The following DMTN variants were observed in gnomAD, a reference collection of about 807,000 sequenced individuals.
DMTN encodes the protein dematin actin binding protein.
DMTN carries 27 observed loss-of-function variants against 59.4 expected under a neutral mutation model. The observed-to-expected ratio is 0.45, with a 90% CI of 0.33 to 0.63. The LOEUF is 0.63. Among genes scored for constraint, DMTN ranks in the 20% least tolerant of loss-of-function variants. The pLI, the probability that DMTN is intolerant of heterozygous loss-of-function variation, is 0.02. For synonymous variants in DMTN, 221 were observed against 203.7 expected (o/e 1.08, Z -0.72); for missense variants, 451 against 528.9 (o/e 0.85, Z 1.45).
chr8:22,049,062 C>G (rs1473036601), upstream of DMTN: 1 of 142,094 alleles, frequency 7.0e-6, no homozygotes, highest in East Asian at 2.0e-4. Context: ...AAACCCGAGC[C>G]CCCGGAGGGG....
At chr8:22,070,737 T>C (rs913512765) in intron 8 of DMTN, among the ~76,000 whole-genome samples, 3 of 152,188 alleles carry the variant, frequency 2.0e-5, no homozygotes, top group African/African-American at 7.2e-5. Flanking sequence ...CCTGCATAGA[T>C]TGCACAGTGG....
intron 10 of DMTN, among the ~76,000 whole-genome samples, chr8:22,078,065 A>G (rs1821024059): frequency 6.6e-6 from 1 of 152,092 alleles, no homozygotes; most frequent in Non-Finnish European, 1.5e-5. Context: ...CAGATTTCAT[A>G]AGAGTATTTT....
Position 22,081,747 on chromosome 8 carries a change from T to C in DMTN, c.*284T>C. 1 of 536,846 alleles carries C rather than the reference T, an allele frequency of 1.9e-6. No homozygotes were observed. Among genetic ancestry groups the C allele is most frequent in the Admixed American group, 2.4e-5 (1 of 42,218 alleles). The allele number at this position is 536,846 out of a possible 1,614,324, so 33.3% of individuals were successfully genotyped here. On this transcript the variant is annotated 3_prime_UTR_variant, in exon 16 of 16. Transcript: ENST00000358242. ...CATGTTTGCGCCCTCTCCCTGCCCCTCACCCCAGAGGGTGAGGAGGAATGA... is the reference window on the plus strand; with the variant it reads ...CATGTTTGCGCCCTCTCCCTGCCCCCCACCCCAGAGGGTGAGGAGGAATGA...
intron 1 of DMTN, among the ~76,000 whole-genome samples, chr8:22,065,096 T>C (rs1809504735): frequency 6.6e-6 from 1 of 152,314 alleles, no homozygotes; most frequent in South Asian, 2.1e-4. Context: ...AGTGGTGTGA[T>C]CACAGCTCAC....
rs928038105 is a variant in DMTN at position 22,060,624 on chromosome 8, A to G, written c.-172+3488A>G. Among the ~76,000 whole-genome samples, 2 of 152,258 alleles carry G rather than the reference A, an allele frequency of 1.3e-5. No individual in the cohort carries two copies. Among genetic ancestry groups the G allele is most frequent in the African/African-American group, 4.8e-5 (2 of 41,472 alleles). ...CTGCCTCTGTGGAAATAATTTATCA[A>G]CCAACATGCTCTCTAACAAATGGCA... is the stretch of plus-strand genomic sequence containing the variant. On this transcript the variant is annotated intron_variant, in intron 1 of 15. Coordinates refer to ENST00000358242, the MANE Select transcript of DMTN (RefSeq NM_001387751.1). The surrounding 1 kb of genome is among the most constrained non-coding windows in gnomAD (Gnocchi z 5.0).
intron 9 of DMTN, among the ~76,000 whole-genome samples, chr8:22,073,176 G>T (rs571146612): frequency 6.6e-6 from 1 of 152,164 alleles, no homozygotes; most frequent in Non-Finnish European, 1.5e-5. Context: ...ACCAAGCAGC[G>T]CTGACTCCTG....
intron 10 of DMTN, among the ~76,000 whole-genome samples, chr8:22,078,107 G>A (rs759546617): frequency 2.6e-4 from 39 of 151,354 alleles, no homozygotes; most frequent in African/African-American, 8.5e-4. Flanking sequence ...GCTCACACCC[G>A]TAATCCCAGC....
intron 1 of DMTN, among the ~76,000 whole-genome samples, chr8:22,065,617 C>T (rs1809911749): frequency 6.6e-6 from 1 of 151,786 alleles, no homozygotes; most frequent in Admixed American, 6.6e-5. Flanking sequence ...CCGAGGCAGG[C>T]GGATCACTTG....
At chr8:22,064,476 T>TG (rs1274650765) in intron 1 of DMTN, among the ~76,000 whole-genome samples, 2 of 152,120 alleles carry the variant, frequency 1.3e-5, no homozygotes, top group East Asian at 3.8e-4. Flanking sequence ...TTTTTTTTTT[T>TG]GAGACGGAGT....
At chr8:22,078,798 G>GGTTTTTTT (rs1450702878) in intron 10 of DMTN, among the ~76,000 whole-genome samples, 1 of 85,092 alleles carries the variant, frequency 1.2e-5, no homozygotes, top group Non-Finnish European at 2.1e-5. Context: ...ATGTCAGACT[G>GGTTTTTTT]TTTTTTTTTT....
rs983340888 is a variant in DMTN at position 22,081,585 on chromosome 8, G to T, written c.*122G>T. 7 of 806,500 alleles carry T rather than the reference G, an allele frequency of 8.7e-6. No homozygotes were observed. The highest frequency in any genetic ancestry group is 4.4e-5 in the Admixed American group (2 of 45,826). The allele number at this position is 806,500 out of a possible 1,614,324, so 50.0% of individuals were successfully genotyped here. On this transcript the variant is annotated 3_prime_UTR_variant, in exon 16 of 16. Transcript: ENST00000358242. ...GTGGGCTCCTTTCCTCAGGTAGAGT[G>T]GGGGGCCAAAACCTCTGCAGTCCCC...
Position 22,070,141 on chromosome 8 carries a change from C to T in DMTN, c.452-41C>T, listed in dbSNP as rs376842494. The T allele has an allele frequency of 1.3e-5, 20 of 1,557,428 alleles. No homozygotes were observed. The South Asian group carries it at 1.7e-4, about 13-fold the overall frequency. ...GGGGTGAAGGTAGCCAAGTTGGCCT[C>T]GGGCAGGGCACACCTGGCTGACCCT... On this transcript the variant is annotated intron_variant, in intron 7 of 15. Coordinates refer to ENST00000358242, the MANE Select transcript of DMTN (RefSeq NM_001387751.1).
At chr8:22,079,301 T>TATATATATATATATATA (rs199745360) in intron 10 of DMTN, among the ~76,000 whole-genome samples, 108 of 84,774 alleles carry the variant, frequency 1.3e-3, no homozygotes, top group African/African-American at 1.8e-3. Flanking sequence ...TATATATATA[T>TATATATATATATATATA]TAGCTGGGTT....
Position 22,078,872 on chromosome 8 carries a change from C to G in DMTN, c.836-1308C>G, listed in dbSNP as rs559358436. Among the ~76,000 whole-genome samples, 3 of 135,772 alleles carry G rather than the reference C, an allele frequency of 2.2e-5. No individual in the cohort carries two copies. The South Asian group carries it at 7.3e-4, about 33-fold the overall frequency. The allele number at this position is 135,772 out of a possible 152,430, so 89.1% of individuals were successfully genotyped here. A position where few individuals can be genotyped will look rare whatever the true frequency, so the allele number is the denominator to read the frequency against. ...AGTGCAGTGGCGTGATCTCCGCTCA[C>G]TGCAAGGTCCGCCTCCCAGGTTCAC... On this transcript the variant is annotated intron_variant, in intron 10 of 15. Transcript: ENST00000358242.
rs1824357458 is a variant in DMTN, at chr8:22,081,678, C to T, written c.*215C>T. ...GCCTCCTGCTCTCGTCCCTGGCCCT[C>T]CCTGCACAGGGCAAAGCCAGTCTGG... On this transcript the variant is annotated 3_prime_UTR_variant, in exon 16 of 16. Transcript: ENST00000358242. 2.0e-5 allele frequency: 12 copies of T among 603,404 alleles called. No individual in the cohort carries two copies. Among genetic ancestry groups the T allele is most frequent in the South Asian group, 1.7e-4 (9 of 53,736 alleles). 37.4% of individuals were successfully genotyped at this position (603,404 alleles called of 1,614,324 possible). A position where few individuals can be genotyped will look rare whatever the true frequency, so the allele number is the denominator to read the frequency against.
upstream of DMTN, among the ~76,000 whole-genome samples, chr8:22,053,274 A>C (rs1022466331): frequency 6.6e-6 from 1 of 152,132 alleles, no homozygotes; most frequent in African/African-American, 2.4e-5. Flanking sequence ...CGGGGGCCAG[A>C]TGCAGTGGTC....
chr8:22,049,122 C>T (rs1052179260), upstream of DMTN: 7 of 150,360 alleles, frequency 4.7e-5, no homozygotes, highest in African/African-American at 1.7e-4. Context: ...GGCCCCAGGC[C>T]CCAGGCCCGA....
rs780507937 is a variant in DMTN, at chr8:22,082,016, C to A, written c.*553C>A. On this transcript the variant is annotated 3_prime_UTR_variant, in exon 16 of 16. Coordinates refer to ENST00000358242, the MANE Select transcript of DMTN (RefSeq NM_001387751.1). ...ACTTCAGCTTGCCCTGACCTCCGCTCGCAAACCCCGAGCTTCCAAGCCTTT... is the reference window on the plus strand; with the variant it reads ...ACTTCAGCTTGCCCTGACCTCCGCTAGCAAACCCCGAGCTTCCAAGCCTTT... 4.4e-6 allele frequency: 2 copies of A among 456,918 alleles called. No individual in the cohort carries two copies. Among genetic ancestry groups the A allele is most frequent in the East Asian group, 7.0e-5 (1 of 14,370 alleles). The allele number at this position is 456,918 out of a possible 1,614,324, so 28.3% of individuals were successfully genotyped here.
chr8:22,080,485 G>T (rs774024837), intron 12 of DMTN, 25 bp downstream of exon 12: 1 of 1,614,128 alleles, frequency 6.2e-7, no homozygotes, highest in Non-Finnish European at 8.5e-7. Context: ...CTGGTGCCGG[G>T]GTCTGGAGAA....
Sources: gnomAD v4.1 joint callset for allele counts (sites outside exome capture counted in the v4.1 genomes callset) on GRCh38, gnomAD v4.1.1 for gene constraint, Gnocchi (gnomAD v3.1) non-coding constraint, MANE v1.5 for transcripts, NCBI Gene and HGNC (gene_info 2026-07-23, HGNC 2026-07-21) for gene names.